SLCO1B3: variants seen among roughly 807,000 people sequenced by gnomAD.
The protein encoded by SLCO1B3 is solute carrier organic anion transporter family member 1B3, also known as liver-specific organic anion transporter 2.
SLCO1B3 carries 72 observed loss-of-function variants against 71.8 expected under a neutral mutation model. The observed-to-expected ratio is 1.00, with a 90% CI of 0.83 to 1.22. The LOEUF (loss-of-function observed/expected upper bound fraction) is 1.22. Ranked by LOEUF, SLCO1B3 falls within the 50% of genes most tolerant of loss-of-function variation. The pLI, the probability that SLCO1B3 is intolerant of heterozygous loss-of-function variation, is 0.00. For synonymous variants in SLCO1B3, 298 were observed against 278.4 expected, an observed-to-expected ratio of 1.07 and a Z score of -0.70; for missense variants, 911 against 819.7, an observed-to-expected ratio of 1.11 and a Z score of -1.36.
chr12:20,865,593 T>C (rs1398909134), intron 8 of SLCO1B3, among the ~76,000 whole-genome samples: 3 of 152,102 alleles, frequency 2.0e-5, no homozygotes, highest in Non-Finnish European at 4.4e-5. Flanking sequence ...CACTTATACA[T>C]AGTTTTTTTG....
intron 13 of SLCO1B3, among the ~76,000 whole-genome samples, chr12:20,888,881 T>C (rs12832442): frequency 3.9e-5 from 6 of 152,098 alleles, no homozygotes; most frequent in Non-Finnish European, 8.8e-5. Context: ...CCTAGTTTGG[T>C]AAGTGTTTTT....
At chr12:20,900,317 C>G (rs1457268017) in intron 14 of SLCO1B3, among the ~76,000 whole-genome samples, 1 of 152,040 alleles carries the variant, frequency 6.6e-6, no homozygotes, top group Non-Finnish European at 1.5e-5. Context: ...GTATAAATCA[C>G]TGTCATTTTT....
chr12:20,879,767 T>C (rs1279436169), intron 11 of SLCO1B3, 136 bp downstream of exon 11: 7 of 655,758 alleles, frequency 1.1e-5, no homozygotes, highest in Admixed American at 7.7e-5. Flanking sequence ...TTTCAAATTC[T>C]TAAAATGTCC....
At chr12:20,868,089 TAGAA>T (rs1865407296) in intron 8 of SLCO1B3, among the ~76,000 whole-genome samples, 1 of 152,222 alleles carries the variant, frequency 6.6e-6, no homozygotes, top group Non-Finnish European at 1.5e-5. Flanking sequence ...GCTTATTTTA[TAGAA>T]AGAATACAGT....
intron 14 of SLCO1B3, among the ~76,000 whole-genome samples, chr12:20,900,519 T>A (rs1303159207): frequency 6.6e-6 from 1 of 152,170 alleles, no homozygotes; most frequent in East Asian, 1.9e-4. Context: ...AAACAACATA[T>A]GTATCCCTGG....
At chr12:20,815,848 C>T in intron 3 of SLCO1B3, 26 bp downstream of exon 3, 2 of 1,461,480 alleles carry the variant, frequency 1.4e-6, no homozygotes, top group Non-Finnish European at 9.3e-7. Flanking sequence ...TATTTTCAAA[C>T]TAAAATAAGT....
At chr12:20,909,653 C>T (rs1235167146) in intron 15 of SLCO1B3, among the ~76,000 whole-genome samples, 3 of 152,022 alleles carry the variant, frequency 2.0e-5, no homozygotes, top group East Asian at 3.9e-4. Context: ...AGTCTGTGGC[C>T]TCTGACTCTC....
chr12:20,874,290 T>G (rs1051994106), intron 8 of SLCO1B3, among the ~76,000 whole-genome samples: 9 of 152,308 alleles, frequency 5.9e-5, no homozygotes, highest in African/African-American at 2.2e-4. Context: ...TTTTCCCAAT[T>G]GTATGGTATA....
At chr12:20,899,759 A>G (rs1409241836) in intron 14 of SLCO1B3, among the ~76,000 whole-genome samples, 1 of 152,178 alleles carries the variant, frequency 6.6e-6, no homozygotes, top group Admixed American at 6.5e-5. Flanking sequence ...AAATGAGACT[A>G]TGACAATAGA....
intron 8 of SLCO1B3, among the ~76,000 whole-genome samples, chr12:20,863,441 T>C (rs10841679): frequency 0.87 from 131,760 of 152,160 alleles, 57,181 homozygotes; most frequent in East Asian, 0.99. Flanking sequence ...TTTCTCCTCT[T>C]GTAGAAGAAT....
chr12:20,894,460 C>T (rs1865963027), intron 13 of SLCO1B3, among the ~76,000 whole-genome samples: 1 of 152,112 alleles, frequency 6.6e-6, no homozygotes, highest in African/African-American at 2.4e-5. Flanking sequence ...TTGAAGATTT[C>T]AGGCCAGCTC....
rs1865644257 is a variant in SLCO1B3 at position 20,879,329 on chromosome 12, T to C, written c.1136-107T>C. ...GTTCTCCACCCTTCTCTTAAAGAAA[T>C]AAGAATGGGTGAATTTGGTTGATAT... On this transcript the variant is annotated intron_variant, in intron 10 of 15. Transcript: ENST00000381545. 3 of 720,936 alleles carry C rather than the reference T, an allele frequency of 4.2e-6. No individual in the cohort carries two copies. The African/African-American group carries it at 5.7e-5, about 14-fold the overall frequency. 44.7% of individuals were successfully genotyped at this position (720,936 alleles called of 1,614,324 possible).
chr12:20,869,713 A>G (rs1865444653), intron 8 of SLCO1B3, among the ~76,000 whole-genome samples: 1 of 152,006 alleles, frequency 6.6e-6, no homozygotes, highest in African/African-American at 2.4e-5. Flanking sequence ...TATATATCAC[A>G]TTTTCTTTGT....
intron 3 of SLCO1B3, among the ~76,000 whole-genome samples, chr12:20,843,930 C>G (rs1474609824): frequency 6.6e-6 from 1 of 151,910 alleles, no homozygotes; most frequent in Non-Finnish European, 1.5e-5. Flanking sequence ...GTCCCTATGT[C>G]TTTTGCTGGG....
intron 3 of SLCO1B3, among the ~76,000 whole-genome samples, chr12:20,846,641 C>T (rs899623972): frequency 6.6e-6 from 1 of 152,058 alleles, no homozygotes; most frequent in African/African-American, 2.4e-5. Flanking sequence ...TAACATAATC[C>T]ATGGATACTT....
At chr12:20,890,689 T>C (rs778568151) in intron 13 of SLCO1B3, among the ~76,000 whole-genome samples, 56 of 152,222 alleles carry the variant, frequency 3.7e-4, no homozygotes, top group African/African-American at 1.1e-3. Flanking sequence ...GTTTTATGAA[T>C]TGGGGTGCTC....
In SLCO1B3 at chr12:20,879,436, G is replaced by A. The variant is rs202070259; in HGVS notation, c.1136G>A (p.Gly379Glu). Residue 379 changes from glycine to glutamate, a missense_variant and splice_region_variant, in exon 11 of 16, where the codon GGA (glycine) becomes GAA (glutamate). Gly to Glu is a moderately conservative substitution (Grantham distance 98, BLOSUM62 -2). Coordinates refer to ENST00000381545, the MANE Select transcript of SLCO1B3 (RefSeq NM_019844.4). ...QSASHANFLL[G>E]IITIPTVATG... Reference sequence around the variant, plus strand: ...CTTTTTTCTCTTCTTTTATTTCTAGGAATCATAACCATTCCTACGGTTGCA... The same window carrying A: ...CTTTTTTCTCTTCTTTTATTTCTAGAAATCATAACCATTCCTACGGTTGCA... 1.3e-6 allele frequency: 2 copies of A among 1,567,964 alleles called. No homozygotes were observed. Among genetic ancestry groups the A allele is most frequent in the African/African-American group, 2.8e-5 (2 of 72,564 alleles).
intron 4 of SLCO1B3, among the ~76,000 whole-genome samples, chr12:20,857,977 T>C (rs1020950553): frequency 2.6e-5 from 4 of 152,146 alleles, no homozygotes; most frequent in African/African-American, 9.7e-5. Flanking sequence ...TATCCATCTG[T>C]TTTATTTTAT....
intron 13 of SLCO1B3, among the ~76,000 whole-genome samples, chr12:20,889,604 T>C (rs1865862460): frequency 6.6e-6 from 1 of 152,132 alleles, no homozygotes; most frequent in South Asian, 2.1e-4. Flanking sequence ...TTGGTTAAGC[T>C]ACTAGTAAGC....
Sources: gnomAD v4.1 joint callset for allele counts (sites outside exome capture counted in the v4.1 genomes callset) on GRCh38, gnomAD v4.1.1 for gene constraint, MANE v1.5 for transcripts, NCBI Gene and HGNC (gene_info 2026-07-23, HGNC 2026-07-21) for gene names.